Variants in ING3 observed in about 807,000 individuals in gnomAD.
ING3 encodes inhibitor of growth protein 3.
In ING3, 6 loss-of-function variants were observed where a neutral mutation model predicts 64.8. The observed-to-expected ratio is 0.09, with a 90% CI of 0.05 to 0.18. The LOEUF is 0.18. ING3 is among the 10% of genes least tolerant of loss of function. ING3 has a pLI of 1.00. For synonymous variants in ING3, 170 were observed against 173.7 expected, an observed-to-expected ratio of 0.98 and a Z score of 0.17; for missense variants, 310 against 489.7, an observed-to-expected ratio of 0.63 and a Z score of 3.46.
intron 4 of ING3, among the ~76,000 whole-genome samples, 162 bp from the exon 5 acceptor site, chr7:120,964,580 T>A (rs1358748581): frequency 2.0e-5 from 3 of 152,198 alleles, no homozygotes; most frequent in African/African-American, 7.2e-5. Context: ...CCTAACACCC[T>A]CATTTTATAG....
intron 4 of ING3, chr7:120,956,903 A>G: frequency 2.2e-5 from 16 of 733,888 alleles, no homozygotes; most frequent in Non-Finnish European, 2.7e-5. Flanking sequence ...TTGTTGTTTT[A>G]TTGCTTGTTA....
chr7:120,957,237 T>A (rs761102857), intron 4 of ING3, among the ~76,000 whole-genome samples: 1 of 152,022 alleles, frequency 6.6e-6, no homozygotes, highest in African/African-American at 2.4e-5. Flanking sequence ...CCGGGCCTGG[T>A]GGCGGGTGCC....
chr7:120,973,565 T>C (rs1035758684), intron 11 of ING3, among the ~76,000 whole-genome samples: 1 of 152,158 alleles, frequency 6.6e-6, no homozygotes, highest in Non-Finnish European at 1.5e-5. Flanking sequence ...ATTTATCACA[T>C]TGAAGAAATG....
intron 9 of ING3, 92 bp from the exon 10 acceptor site, chr7:120,970,596 T>G (rs1407435419): frequency 8.7e-6 from 11 of 1,263,740 alleles, no homozygotes; most frequent in Non-Finnish European, 1.1e-5. Flanking sequence ...TTTATACATT[T>G]GATGTCATTT....
chr7:120,951,986 TC>T (rs1430603631), intron 2 of ING3, among the ~76,000 whole-genome samples: 2 of 152,214 alleles, frequency 1.3e-5, no homozygotes, highest in African/African-American at 4.8e-5. Context: ...TTTTCACTGC[TC>T]CTGGCTTCTC....
At chr7:120,951,268 G>T in intron 2 of ING3, 33 bp downstream of exon 2, 1 of 1,605,886 alleles carries the variant, frequency 6.2e-7, no homozygotes, top group Non-Finnish European at 8.5e-7. Context: ...CCTGTTCGCT[G>T]CGCGCGTTCA....
chr7:120,963,054 C>T (rs1795954051), intron 4 of ING3, among the ~76,000 whole-genome samples: 1 of 151,996 alleles, frequency 6.6e-6, no homozygotes, highest in African/African-American at 2.4e-5. Context: ...GGAGTGTTTT[C>T]GTTGCATTAG....
chr7:120,973,216 T>C lies in ING3; in HGVS notation c.1113T>C (p.Gly371=). The part of the protein sequence containing the change: ...RYCICNQVSY[G]EMVGCDNQDC... The stretch of plus-strand genomic sequence containing the variant: ...TTTTTTTTAACTAGGTATCTTATGG[T>C]GAGATGGTGGGATGTGATAACCAAG... The change falls in exon 11 of 12, where the codon GGT becomes GGC. Residue 371 remains glycine, a synonymous_variant. Coordinates refer to ENST00000315870, the MANE Select transcript of ING3 (RefSeq NM_019071.3). 1 of 1,537,582 alleles carries C rather than the reference T, an allele frequency of 6.5e-7. No homozygotes were observed. The highest frequency in any genetic ancestry group is 9.0e-7 in the Non-Finnish European group (1 of 1,113,256).
chr7:120,956,778 T>C (rs1795854412), intron 4 of ING3: 1 of 976,794 alleles, frequency 1.0e-6, no homozygotes, highest in South Asian at 4.7e-5. Flanking sequence ...GACTAATTTG[T>C]TTAGTAACAT....
chr7:120,970,248 G>A (rs775176925), intron 9 of ING3, among the ~76,000 whole-genome samples: 1 of 152,138 alleles, frequency 6.6e-6, no homozygotes. Context: ...GGCAGATCAC[G>A]AGGTCAGGAG....
chr7:120,974,902 T>C lies in ING3; in HGVS notation c.*58T>C. On this transcript the variant is annotated 3_prime_UTR_variant, in exon 12 of 12. Transcript: ENST00000315870. ...TTCAGCTGAAGATTTTATATAGGAC[T>C]TTAAAAAGAAGAGAAGAGAAAGAAG... The C allele has an allele frequency of 8.4e-7, 1 of 1,194,964 alleles. No homozygotes were observed. Among genetic ancestry groups the C allele is most frequent in the Non-Finnish European group, 1.2e-6 (1 of 831,718 alleles). 74.0% of individuals were successfully genotyped at this position (1,194,964 alleles called of 1,614,324 possible).
intron 2 of ING3, among the ~76,000 whole-genome samples, 183 bp from the exon 3 acceptor site, chr7:120,953,121 T>C (rs1486336144): frequency 6.6e-6 from 1 of 152,144 alleles, no homozygotes; most frequent in Non-Finnish European, 1.5e-5. Flanking sequence ...AGGAAAATTG[T>C]AACTTTTTAA....
Position 120,968,975 on chromosome 7 carries a change from A to G in ING3, c.715-36A>G, listed in dbSNP as rs376107029. ...CTTGAAAAAGAAAATCTACATATTT[A>G]CATATATTGATGCTATCAATGAATG... On this transcript the variant is annotated intron_variant, in intron 8 of 11. Transcript: ENST00000315870. 3.3e-5 allele frequency: 43 copies of G among 1,308,328 alleles called. No individual in the cohort carries two copies. The African/African-American group carries it at 5.3e-4, about 16-fold the overall frequency. 81.0% of individuals were successfully genotyped at this position (1,308,328 alleles called of 1,614,324 possible).
chr7:120,966,630 T>C lies in ING3; in HGVS notation c.369T>C (p.Ser123=), dbSNP rs200107576. Residue 123 remains serine, a synonymous_variant, in exon 6 of 12, where the codon TCT becomes TCC. Transcript: ENST00000315870. ...TCTGTGCCTCTCTTCTTTTAGGATC[T>C]TTGGAATTAGACACTCCTTCACAGC... The part of the protein sequence containing the change: ...AGITEILERR[S]LELDTPSQPV... 10 of 1,611,528 alleles carry C rather than the reference T, an allele frequency of 6.2e-6. No homozygotes were observed. The East Asian group carries it at 2.0e-4, about 32-fold the overall frequency.
intron 4 of ING3, among the ~76,000 whole-genome samples, chr7:120,960,094 T>C (rs946994761): frequency 2.0e-5 from 3 of 152,206 alleles, no homozygotes; most frequent in Non-Finnish European, 4.4e-5. Flanking sequence ...AGATGACGTT[T>C]GAGGTGGTAC....
intron 4 of ING3, among the ~76,000 whole-genome samples, chr7:120,958,481 C>T (rs1795884035): frequency 6.6e-6 from 1 of 152,168 alleles, no homozygotes; most frequent in Non-Finnish European, 1.5e-5. Context: ...TGCTAATCCA[C>T]TTCAGTCGCC....
At chr7:120,974,607 G>T in intron 11 of ING3, 121 bp from the exon 12 acceptor site, 2 of 525,262 alleles carry the variant, frequency 3.8e-6, no homozygotes, top group Non-Finnish European at 3.5e-6. Flanking sequence ...TAAAAATTCT[G>T]ATGTCACACA....
chr7:120,970,541 A>C (rs1796057237), intron 9 of ING3, 147 bp from the exon 10 acceptor site: 1 of 742,500 alleles, frequency 1.3e-6, no homozygotes, highest in East Asian at 2.7e-5. Context: ...ACTACCTACA[A>C]TTTAAGTCAT....
chr7:120,965,039 C>G (rs532952289), intron 5 of ING3, among the ~76,000 whole-genome samples: 27 of 152,286 alleles, frequency 1.8e-4, no homozygotes, highest in African/African-American at 6.0e-4. Flanking sequence ...TCCACTCACT[C>G]TTTATGAAAC....
Sources: gnomAD v4.1 joint callset for allele counts (sites outside exome capture counted in the v4.1 genomes callset) on GRCh38, gnomAD v4.1.1 for gene constraint, MANE v1.5 for transcripts, NCBI Gene and HGNC (gene_info 2026-07-23, HGNC 2026-07-21) for gene names.